The following ADAMTSL1 variants were observed in gnomAD, a reference collection of about 807,000 sequenced individuals.
The protein encoded by ADAMTSL1 is ADAMTS like 1, also known as ADAMTS-like protein 1.
Under a neutral mutation model 201.8 loss-of-function variants are expected in ADAMTSL1, and 126 were observed. The observed-to-expected ratio is 0.62, with a 90% CI of 0.54 to 0.72. The LOEUF is 0.72. Ranked by LOEUF, ADAMTSL1 falls within the 30% of genes least tolerant of loss-of-function variation. ADAMTSL1 has a pLI of 0.00. For missense variants in ADAMTSL1, 2,679 were observed against 2,277.8 expected, an observed-to-expected ratio of 1.18 and a Z score of -3.59; for synonymous variants, 1,121 against 903.4, an observed-to-expected ratio of 1.24 and a Z score of -4.32.
intron 1 of ADAMTSL1, among the ~76,000 whole-genome samples, chr9:17,966,401 G>C (rs997106095): frequency 6.6e-6 from 1 of 152,110 alleles, no homozygotes; most frequent in African/African-American, 2.4e-5. Flanking sequence ...CCCAAGCGAA[G>C]AAACAGGACT....
intron 1 of ADAMTSL1, among the ~76,000 whole-genome samples, chr9:18,156,245 AAC>A (rs762788492): frequency 9.9e-5 from 15 of 152,018 alleles, no homozygotes; most frequent in East Asian, 5.8e-4. Context: ...TGGTTAAGAT[AAC>A]AGACTCCTCT....
intron 10 of ADAMTSL1, among the ~76,000 whole-genome samples, chr9:18,677,309 AATGTATC>A (rs372554913): frequency 1.3e-5 from 2 of 152,140 alleles, no homozygotes; most frequent in African/African-American, 4.8e-5. Flanking sequence ...GAATGTTCCT[AATGTATC>A]ATTTTTCTGG....
intron 1 of ADAMTSL1, among the ~76,000 whole-genome samples, chr9:18,078,370 G>C (rs1245720027): frequency 1.3e-5 from 2 of 152,086 alleles, no homozygotes; most frequent in Non-Finnish European, 2.9e-5. Flanking sequence ...TCTAGACTCA[G>C]AAATACAAAT....
intron 1 of ADAMTSL1, among the ~76,000 whole-genome samples, chr9:17,943,670 T>C (rs924695823): frequency 1.3e-5 from 2 of 152,168 alleles, no homozygotes; most frequent in Admixed American, 1.3e-4. Flanking sequence ...CCCTTCCTCA[T>C]GACTTCATGA....
chr9:18,511,119 G>A (rs969863303), intron 2 of ADAMTSL1, among the ~76,000 whole-genome samples: 3 of 152,080 alleles, frequency 2.0e-5, no homozygotes, highest in Non-Finnish European at 4.4e-5. Flanking sequence ...CCTCATTTGA[G>A]ATGGCAACGA....
chr9:18,581,108 G>A (rs1823063173), intron 4 of ADAMTSL1, among the ~76,000 whole-genome samples: 1 of 152,064 alleles, frequency 6.6e-6, no homozygotes, highest in Admixed American at 6.6e-5. Context: ...GGCTCTGGGT[G>A]GAATCCTTTG....
intron 1 of ADAMTSL1, among the ~76,000 whole-genome samples, chr9:18,090,941 A>T (rs1823985527): frequency 6.6e-6 from 1 of 151,930 alleles, no homozygotes; most frequent in African/African-American, 2.4e-5. Flanking sequence ...TACACATGGA[A>T]CACTGTTCAT....
At chr9:18,839,166 T>TA (rs1298012183) in intron 23 of ADAMTSL1, among the ~76,000 whole-genome samples, 2 of 148,330 alleles carry the variant, frequency 1.3e-5, no homozygotes, top group Non-Finnish European at 3.0e-5. Context: ...GTATATCTCC[T>TA]AATGCTATCC....
At chr9:18,402,473 C>T (rs905732546) in intron 2 of ADAMTSL1, among the ~76,000 whole-genome samples, 2 of 152,162 alleles carry the variant, frequency 1.3e-5, no homozygotes, top group Admixed American at 6.5e-5. Flanking sequence ...AAATCTTTTT[C>T]AGTTACTACC....
At chr9:18,656,704 C>A (rs191403041) in intron 7 of ADAMTSL1, among the ~76,000 whole-genome samples, 1 of 150,764 alleles carries the variant, frequency 6.6e-6, no homozygotes, top group Non-Finnish European at 1.5e-5. Flanking sequence ...TTCAGTTGGA[C>A]TCTGATACTT....
chr9:17,929,513 G>T (rs1588432264), intron 1 of ADAMTSL1, among the ~76,000 whole-genome samples: 1 of 151,866 alleles, frequency 6.6e-6, no homozygotes, highest in East Asian at 1.9e-4. Context: ...AGCTCCCCAG[G>T]TTCCCTCACT....
chr9:18,291,976 TAAG>T (rs1026441738), intron 2 of ADAMTSL1, among the ~76,000 whole-genome samples: 3 of 151,990 alleles, frequency 2.0e-5, no homozygotes, highest in Non-Finnish European at 4.4e-5. Context: ...CATAAGGTAA[TAAG>T]AACTGAGTGA....
Position 18,889,627 on chromosome 9 carries a change from G to C in ADAMTSL1, c.4522G>C (p.Val1508Leu). Reference sequence around the variant, plus strand: ...CTCAGCCTCCTGTGGTAACCGGGGGGTTCAGCAGCCCCGCTTGAGGTGCCT... The same window carrying C: ...CTCAGCCTCCTGTGGTAACCGGGGGCTTCAGCAGCCCCGCTTGAGGTGCCT... ...TCSASCGNRG[V>L]QQPRLRCLLN... Residue 1508 changes from valine (V) to leucine (L), a missense_variant, in exon 25 of 29, where the codon GTT (valine) becomes CTT (leucine). Coordinates refer to ENST00000380548, the MANE Select transcript of ADAMTSL1 (RefSeq NM_001040272.6). The C allele has an allele frequency of 1.2e-6, 2 of 1,613,544 alleles. No homozygotes were observed. The highest frequency in any genetic ancestry group is 1.7e-6 in the Non-Finnish European group (2 of 1,179,718).
At chr9:18,246,640 T>C (rs1415226331) in intron 2 of ADAMTSL1, among the ~76,000 whole-genome samples, 3 of 152,178 alleles carry the variant, frequency 2.0e-5, no homozygotes, top group Non-Finnish European at 4.4e-5. Context: ...ATTAGATAAA[T>C]GATTCAGAAA....
At chr9:18,769,071 C>G (rs573185237) in intron 16 of ADAMTSL1, among the ~76,000 whole-genome samples, 6 of 152,238 alleles carry the variant, frequency 3.9e-5, no homozygotes, top group South Asian at 4.2e-4. Flanking sequence ...TAAAAGCTCC[C>G]CAGGAGACCT....
intron 1 of ADAMTSL1, among the ~76,000 whole-genome samples, chr9:18,005,870 G>C (rs1247765244): frequency 1.3e-5 from 2 of 152,030 alleles, no homozygotes; most frequent in East Asian, 3.9e-4. Context: ...TTGCTTCCTG[G>C]TCTGTGATCA....
chr9:18,401,911 T>C (rs1652278087), intron 2 of ADAMTSL1, among the ~76,000 whole-genome samples: 1 of 152,182 alleles, frequency 6.6e-6, no homozygotes, highest in African/African-American at 2.4e-5. Context: ...TGACCAGCAT[T>C]TCTAGCACAA....
chr9:18,358,443 G>A (rs1396458409), intron 2 of ADAMTSL1, among the ~76,000 whole-genome samples: 3 of 152,108 alleles, frequency 2.0e-5, no homozygotes, highest in Admixed American at 6.6e-5. Context: ...TATTCACGAT[G>A]TTGTGCAACC....
At chr9:18,212,504 G>C (rs1829916211) in intron 2 of ADAMTSL1, among the ~76,000 whole-genome samples, 1 of 152,190 alleles carries the variant, frequency 6.6e-6, no homozygotes, top group South Asian at 2.1e-4. Context: ...CAAACAGCCA[G>C]ATCTGTAGTG....
Sources: allele counts gnomAD v4.1 joint callset (sites outside exome capture counted in the v4.1 genomes callset), GRCh38; gene constraint gnomAD v4.1.1; transcripts MANE v1.5; gene names NCBI Gene and HGNC (gene_info 2026-07-23, HGNC 2026-07-21).